Variants in PDIA6 observed in about 807,000 individuals in gnomAD.
The protein encoded by PDIA6 is protein disulfide isomerase family A member 6, also known as protein disulfide-isomerase A6.
Under a neutral mutation model 58.4 loss-of-function variants are expected in PDIA6, and 29 were observed. That is an observed-to-expected ratio of 0.50 (90% CI 0.37 to 0.68). The LOEUF is 0.68. Among genes scored for constraint, PDIA6 ranks in the 30% least tolerant of loss-of-function variants. PDIA6 has a pLI of 0.00. For synonymous variants in PDIA6, 192 were observed against 202.6 expected (o/e 0.95, Z 0.44); for missense variants, 480 against 551.0 (o/e 0.87, Z 1.29).
At chr2:10,826,039 T>C (rs964643102) in intron 1 of PDIA6, among the ~76,000 whole-genome samples, 24 of 152,208 alleles carry the variant, frequency 1.6e-4, no homozygotes, top group African/African-American at 5.8e-4. Context: ...AGCAACATTA[T>C]TCATCATAAT....
At position 10,789,909 on chromosome 2, in the gene PDIA6, G is replaced by T. The variant is rs773970649; in HGVS notation, c.700-20C>A. 2.5e-6 allele frequency: 4 copies of T among 1,601,352 alleles called. No homozygotes were observed. The highest frequency in any genetic ancestry group is 3.4e-6 in the Non-Finnish European group (4 of 1,170,752). ...TCTAATCTATTAAAAAAAGGTCAGA[G>T]GATAAAATCCAATTAACACTTAATG... On this transcript the variant is annotated intron_variant, in intron 7 of 12. Coordinates refer to ENST00000272227, the MANE Select transcript of PDIA6 (RefSeq NM_005742.4).
chr2:10,830,492 G>A (rs116206779), intron 1 of PDIA6, among the ~76,000 whole-genome samples: 395 of 152,322 alleles, frequency 2.6e-3, no homozygotes, highest in Non-Finnish European at 4.7e-3. Context: ...GTGGCACCCA[G>A]AGCCTTTGCA....
chr2:10,798,517 G>A (rs890824010), intron 2 of PDIA6, among the ~76,000 whole-genome samples: 48 of 149,728 alleles, frequency 3.2e-4, no homozygotes, highest in Admixed American at 2.3e-3. Context: ...GCAGTGAGCT[G>A]AGATCGTGCC....
intron 8 of PDIA6, 89 bp from the exon 9 acceptor site, chr2:10,789,070 A>G (rs1572652258): frequency 2.3e-6 from 2 of 882,616 alleles, no homozygotes; most frequent in Non-Finnish European, 1.9e-6. Context: ...TCGCACCGTC[A>G]CTTTCATTGA....
chr2:10,821,326 G>A (rs7599587), intron 1 of PDIA6: 38 of 154,564 alleles, frequency 2.5e-4, no homozygotes, highest in African/African-American at 7.0e-4. Flanking sequence ...GAGTAACAGC[G>A]TGCCCCGACA....
At chr2:10,808,466 GA>G (rs1433950037) in intron 1 of PDIA6, among the ~76,000 whole-genome samples, 3 of 152,160 alleles carry the variant, frequency 2.0e-5, no homozygotes, top group Non-Finnish European at 4.4e-5. Context: ...GGCAAATGTA[GA>G]AAACAAGGAA....
chr2:10,789,241 G>A (rs1665922890), intron 8 of PDIA6, among the ~76,000 whole-genome samples: 1 of 149,108 alleles, frequency 6.7e-6, no homozygotes, highest in African/African-American at 2.4e-5. Context: ...GCAATGCCTG[G>A]ACACAGCCTG....
At chr2:10,813,482 GA>G (rs941244502), upstream of PDIA6, among the ~76,000 whole-genome samples, 9 of 145,404 alleles carry the variant, frequency 6.2e-5, no homozygotes, top group South Asian at 2.1e-4. Context: ...ATGCAAAAGT[GA>G]AAAAAAATAT....
At chr2:10,792,795 C>T (rs1666094772) in intron 5 of PDIA6, among the ~76,000 whole-genome samples, 1 of 152,182 alleles carries the variant, frequency 6.6e-6, no homozygotes, top group Non-Finnish European at 1.5e-5. Flanking sequence ...CATCCCATCC[C>T]CACTCTGGAC....
chr2:10,792,055 A>G, intron 5 of PDIA6, 130 bp from the exon 6 acceptor site: 1 of 984,510 alleles, frequency 1.0e-6, no homozygotes, highest in African/African-American at 1.6e-5. Context: ...AATAGTGAAA[A>G]CGGTTGTATT....
chr2:10,784,793 G>T, intron 12 of PDIA6, 141 bp downstream of exon 12: 1 of 621,342 alleles, frequency 1.6e-6, no homozygotes. Flanking sequence ...AGGGTCTTCA[G>T]AGAAGAACCT....
At chr2:10,789,407 GAAAACAAAAC>G (rs57608395) in intron 8 of PDIA6, among the ~76,000 whole-genome samples, 26 of 151,498 alleles carry the variant, frequency 1.7e-4, no homozygotes, top group South Asian at 1.3e-3. Context: ...AGAATTAAAT[GAAAACAAAAC>G]AAAACAAAAC....
chr2:10,817,572 A>C (rs1216753340), upstream of PDIA6, among the ~76,000 whole-genome samples: 1 of 152,150 alleles, frequency 6.6e-6, no homozygotes, highest in Non-Finnish European at 1.5e-5. Flanking sequence ...TTCACCACAC[A>C]GCTCCCCCGG....
chr2:10,794,024 T>C (rs1666155367), intron 4 of PDIA6, among the ~76,000 whole-genome samples: 1 of 152,184 alleles, frequency 6.6e-6, no homozygotes, highest in South Asian at 2.1e-4. Flanking sequence ...TCTTTGGAAG[T>C]TCACCAAAAA....
intron 1 of PDIA6, among the ~76,000 whole-genome samples, chr2:10,825,082 T>G (rs6733037): frequency 0.13 from 19,573 of 152,158 alleles, 1,602 homozygotes; most frequent in African/African-American, 0.22. Context: ...TGGCCTAGCC[T>G]CCTAGCCTAC....
intron 11 of PDIA6, among the ~76,000 whole-genome samples, chr2:10,785,707 T>TCACAAACTTAAGCAGTC (rs1183122890): frequency 6.6e-6 from 1 of 152,172 alleles, no homozygotes; most frequent in Non-Finnish European, 1.5e-5. Context: ...TCTATGACAA[T>TCACAAACTTAAGCAGTC]CACAAACTTA....
intron 1 of PDIA6, among the ~76,000 whole-genome samples, chr2:10,811,480 G>C (rs1051241602): frequency 2.6e-5 from 4 of 152,182 alleles, no homozygotes; most frequent in Non-Finnish European, 4.4e-5. Context: ...CTAGGAGACA[G>C]AGCAAGACCG....
At chr2:10,809,337 A>C (rs1272579022) in intron 1 of PDIA6, among the ~76,000 whole-genome samples, 1 of 152,180 alleles carries the variant, frequency 6.6e-6, no homozygotes, top group Admixed American at 6.5e-5. Context: ...AAGCCAAGTA[A>C]ATCAAGAACA....
upstream of PDIA6, among the ~76,000 whole-genome samples, chr2:10,836,790 G>T (rs1399140936): frequency 6.6e-6 from 1 of 151,506 alleles, no homozygotes; most frequent in Non-Finnish European, 1.5e-5. Flanking sequence ...TGTTCTATGG[G>T]GATTAAAAAA....
Sources: gnomAD v4.1 joint callset for allele counts (sites outside exome capture counted in the v4.1 genomes callset) on GRCh38, gnomAD v4.1.1 for gene constraint, MANE v1.5 for transcripts, NCBI Gene and HGNC (gene_info 2026-07-23, HGNC 2026-07-21) for gene names.